DPP10: variants seen among roughly 807,000 people sequenced by gnomAD.
DPP10 encodes the protein dipeptidyl peptidase like 10.
In DPP10, 33 loss-of-function variants were observed where a neutral mutation model predicts 120.9. The observed-to-expected ratio is 0.27, with a 90% CI of 0.21 to 0.37. The LOEUF is 0.37. DPP10 is among the 10% of genes least tolerant of loss of function. The pLI, the probability that DPP10 is intolerant of heterozygous loss-of-function variation, is 1.00. For missense variants in DPP10, 816 were observed against 942.8 expected (o/e 0.87, Z 1.76); for synonymous variants, 337 against 326.1 (o/e 1.03, Z -0.36).
At chr2:115,014,862 C>CAAAAAAA (rs144688918) in intron 1 of DPP10, among the ~76,000 whole-genome samples, 2 of 118,626 alleles carry the variant, frequency 1.7e-5, no homozygotes, top group Non-Finnish European at 3.4e-5. Context: ...GCCTACCAAC[C>CAAAAAAA]AAAAAAAAAA....
chr2:114,653,722 C>T (rs1000375536), intron 1 of DPP10, among the ~76,000 whole-genome samples: 1 of 152,116 alleles, frequency 6.6e-6, no homozygotes, highest in Non-Finnish European at 1.5e-5. Context: ...TGGGCCCTGA[C>T]GCTAGAGGAA....
intron 5 of DPP10, among the ~76,000 whole-genome samples, chr2:115,545,574 C>T (rs915748924): frequency 6.6e-6 from 1 of 152,216 alleles, no homozygotes; most frequent in South Asian, 2.1e-4. Context: ...AGTGTGTTTG[C>T]ACAACAGTGA....
At chr2:115,255,663 G>T (rs2058952425) in intron 1 of DPP10, among the ~76,000 whole-genome samples, 1 of 152,062 alleles carries the variant, frequency 6.6e-6, no homozygotes, top group Non-Finnish European at 1.5e-5. Flanking sequence ...TCTCTCTCAG[G>T]TTAAAATTTC....
chr2:114,553,112 ATTTATTTGTT>A (rs1348517036), intron 1 of DPP10, among the ~76,000 whole-genome samples: 8 of 152,182 alleles, frequency 5.3e-5, no homozygotes, highest in African/African-American at 1.7e-4. Context: ...ACATCAAGCC[ATTTATTTGTT>A]AATAGGCTGT....
At chr2:114,692,166 C>T (rs757515722) in intron 1 of DPP10, among the ~76,000 whole-genome samples, 2 of 151,530 alleles carry the variant, frequency 1.3e-5, no homozygotes, top group Non-Finnish European at 3.0e-5. Context: ...TTCTTTTAGT[C>T]GAGATGTTAG....
chr2:114,563,536 A>G (rs910308540), intron 1 of DPP10, among the ~76,000 whole-genome samples: 2 of 152,180 alleles, frequency 1.3e-5, no homozygotes, highest in Non-Finnish European at 2.9e-5. Flanking sequence ...CTACCGTTCT[A>G]TTTATCATTG....
chr2:115,270,145 C>G (rs888316080), intron 1 of DPP10, among the ~76,000 whole-genome samples: 1 of 151,156 alleles, frequency 6.6e-6, no homozygotes, highest in Non-Finnish European at 1.5e-5. Flanking sequence ...TTTATGCTGG[C>G]AGACTGACAG....
At chr2:114,946,278 T>C (rs1697340749) in intron 1 of DPP10, among the ~76,000 whole-genome samples, 1 of 152,212 alleles carries the variant, frequency 6.6e-6, no homozygotes, top group Non-Finnish European at 1.5e-5. Context: ...GTGGACTATA[T>C]GGGAATTCTA....
In DPP10 at chr2:115,558,256, T is replaced by C. The variant is rs533949102; in HGVS notation, c.441+32284T>C. On this transcript the variant is annotated intron_variant, in intron 5 of 25. Coordinates refer to ENST00000410059, the MANE Select transcript of DPP10 (RefSeq NM_020868.6). ...CCATAACAGGATCTCTTGAAGGAGA[T>C]CTAAGTAATGCTTTTCCATGTGCCA... is the stretch of plus-strand genomic sequence containing the variant. 2.0e-5 allele frequency among the ~76,000 whole-genome samples: 3 copies of C among 152,244 alleles called. No individual in the cohort carries two copies. In the East Asian group the frequency reaches 5.8e-4, roughly 30 times the overall value.
At chr2:115,317,986 G>T (rs1245482928) in intron 2 of DPP10, among the ~76,000 whole-genome samples, 1 of 151,898 alleles carries the variant, frequency 6.6e-6, no homozygotes, top group Non-Finnish European at 1.5e-5. Context: ...CATTGCTTGT[G>T]CTTCTGATGT....
rs1481612379 is a variant in DPP10 at position 115,843,988 on chromosome 2, T to A, written c.*1643T>A. On this transcript the variant is annotated 3_prime_UTR_variant, in exon 26 of 26. Coordinates refer to ENST00000410059, the MANE Select transcript of DPP10 (RefSeq NM_020868.6). Reference sequence around the variant, plus strand: ...CCCAAATTCTGGGTATTTGAGTACATGTGAATCATGGATTTGGTATTCAAC... The same window carrying A: ...CCCAAATTCTGGGTATTTGAGTACAAGTGAATCATGGATTTGGTATTCAAC... 6.6e-6 allele frequency: 1 copy of A among 152,616 alleles called. No homozygotes were observed. Among genetic ancestry groups the A allele is most frequent in the Admixed American group, 6.5e-5 (1 of 15,274 alleles). 9.5% of individuals were successfully genotyped at this position (152,616 alleles called of 1,614,324 possible).
intron 1 of DPP10, among the ~76,000 whole-genome samples, chr2:114,817,313 A>T (rs905379868): frequency 1.3e-5 from 2 of 152,194 alleles, no homozygotes; most frequent in African/African-American, 4.8e-5. Flanking sequence ...CAAAAAAAAA[A>T]AAAGGCTCAC....
intron 1 of DPP10, among the ~76,000 whole-genome samples, chr2:114,838,246 T>C (rs1687891266): frequency 6.6e-6 from 1 of 152,234 alleles, no homozygotes; most frequent in Non-Finnish European, 1.5e-5. Context: ...TGAGAACTAA[T>C]AGCATATGCC....
At chr2:115,216,092 G>A (rs1574041663) in intron 1 of DPP10, among the ~76,000 whole-genome samples, 3 of 152,082 alleles carry the variant, frequency 2.0e-5, no homozygotes, top group South Asian at 2.1e-4. Context: ...ATATGTGGGC[G>A]CTAAACAATG....
chr2:115,815,765 C>A, intron 21 of DPP10, 36 bp downstream of exon 21: 2 of 1,555,404 alleles, frequency 1.3e-6, no homozygotes, highest in Non-Finnish European at 1.8e-6. Flanking sequence ...TCTTTTTATG[C>A]GTATCTATGT....
chr2:115,337,880 T>C (rs2063238952), intron 2 of DPP10, among the ~76,000 whole-genome samples: 1 of 151,766 alleles, frequency 6.6e-6, no homozygotes, highest in South Asian at 2.1e-4. Context: ...ATGAATGAAG[T>C]ATATAGTTTT....
intron 1 of DPP10, among the ~76,000 whole-genome samples, chr2:114,906,525 A>AG (rs1693976772): frequency 6.6e-6 from 1 of 152,198 alleles, no homozygotes; most frequent in African/African-American, 2.4e-5. Context: ...TATTAGTTTG[A>AG]GTAAGTTCAC....
chr2:115,600,044 T>G (rs6542271), intron 5 of DPP10, among the ~76,000 whole-genome samples: 150,291 of 152,088 alleles, frequency 0.99, 74,286 homozygotes, highest in East Asian at 1. Context: ...CAGAGCGCCG[T>G]CACCTGTTTT....
At chr2:115,799,264 A>G (rs1022749903) in intron 19 of DPP10, among the ~76,000 whole-genome samples, 3 of 152,106 alleles carry the variant, frequency 2.0e-5, no homozygotes, top group African/African-American at 7.2e-5. Flanking sequence ...AGATAAATCT[A>G]TGTTGCACAA....
Sources: gnomAD v4.1 joint callset for allele counts (sites outside exome capture counted in the v4.1 genomes callset) on GRCh38, gnomAD v4.1.1 for gene constraint, MANE v1.5 for transcripts, NCBI Gene and HGNC (gene_info 2026-07-23, HGNC 2026-07-21) for gene names.